Variants in BCR observed in about 807,000 individuals in gnomAD.
BCR encodes the protein BCR activator of RhoGEF and GTPase.
In BCR, 58 loss-of-function variants were observed where a neutral mutation model predicts 138.6. The ratio of observed to expected loss-of-function variants is 0.42; its 90% CI spans 0.34 to 0.52. BCR has a LOEUF of 0.52. Ranked by LOEUF, BCR falls within the 20% of genes least tolerant of loss-of-function variation. The probability of loss-of-function intolerance (pLI) is 0.06; values close to 1 mark genes in which losing one functional copy is unlikely to be tolerated. For missense variants in BCR, 1,599 were observed against 1,727.2 expected (o/e 0.93, Z 1.32); for synonymous variants, 786 against 730.1 (o/e 1.08, Z -1.23).
chr22:23,298,423 A>C (rs989907567), intron 16 of BCR, among the ~76,000 whole-genome samples: 12 of 152,146 alleles, frequency 7.9e-5, no homozygotes, highest in Admixed American at 7.9e-4. Flanking sequence ...GGACCAGATG[A>C]GTTCCGTCAA....
At chr22:23,290,722 G>A (rs1281434525) in intron 14 of BCR, 1 of 378,112 alleles carries the variant, frequency 2.6e-6, no homozygotes. Flanking sequence ...CCCCAGGGGT[G>A]CCCGGGAGTG....
intron 4 of BCR, chr22:23,264,810 C>T (rs796066680): frequency 6.5e-6 from 1 of 153,238 alleles, no homozygotes; most frequent in African/African-American, 2.4e-5. Flanking sequence ...GCTTGACCAA[C>T]CTCTCGGGGC....
intron 1 of BCR, among the ~76,000 whole-genome samples, chr22:23,240,885 A>G (rs1443140491): frequency 2.0e-5 from 3 of 151,922 alleles, no homozygotes; most frequent in Non-Finnish European, 2.9e-5. Flanking sequence ...TTCTGTCTCT[A>G]TGAATTTGAC....
In BCR at chr22:23,182,071, T is replaced by G. The variant is rs373071713; in HGVS notation, c.1111T>G (p.Ser371Ala). ...GTTCCGGGACAAAAGCCGCTCTCCCTCGCAGAACTCGCAACAGTCCTTCGA... is the reference window on the plus strand; with the variant it reads ...GTTCCGGGACAAAAGCCGCTCTCCCGCGCAGAACTCGCAACAGTCCTTCGA... ...RMFRDKSRSP[S>A]QNSQQSFDSS... The change falls in exon 1 of 23, where the codon TCG becomes GCG. Residue 371 changes from serine (S) to alanine (A), a missense_variant. Physicochemically the swap from Ser to Ala is moderately conservative, Grantham distance 99. Coordinates refer to ENST00000305877, the MANE Select transcript of BCR (RefSeq NM_004327.4). 6.2e-7 allele frequency: 1 copy of G among 1,613,468 alleles called. No homozygotes were observed. The highest frequency in any genetic ancestry group is 8.5e-7 in the Non-Finnish European group (1 of 1,180,026).
At chr22:23,203,981 A>G (rs939384308) in intron 1 of BCR, among the ~76,000 whole-genome samples, 2 of 152,182 alleles carry the variant, frequency 1.3e-5, no homozygotes, top group African/African-American at 4.8e-5. Flanking sequence ...CGGGAGGACA[A>G]ACACCTCCCT....
In BCR at chr22:23,181,710, G is replaced by C. The variant is rs955945495; in HGVS notation, c.750G>C (p.Glu250Asp). The C allele has an allele frequency of 5.0e-6, 8 of 1,604,106 alleles. No homozygotes were observed. In the African/African-American group the frequency reaches 1.1e-4, roughly 21 times the overall value. Residue 250 changes from glutamate to aspartate, a missense_variant, in exon 1 of 23, where the codon GAG becomes GAC. By Grantham distance (45) the Glu-to-Asp change is conservative. Coordinates refer to ENST00000305877, the MANE Select transcript of BCR (RefSeq NM_004327.4). ...CGVDGDYEDA[E>D]LNPRFLKDNL... ...TCGACGGCGACTACGAGGACGCCGA[G>C]TTGAACCCCCGCTTCCTGAAGGACA...
At chr22:23,282,802 C>T (rs1005900460) in intron 8 of BCR, among the ~76,000 whole-genome samples, 3 of 152,208 alleles carry the variant, frequency 2.0e-5, no homozygotes, top group East Asian at 1.9e-4. Context: ...CAGTGCAGGG[C>T]GGGCGTCGTC....
intron 1 of BCR, among the ~76,000 whole-genome samples, chr22:23,243,953 T>C (rs2073127257): frequency 6.6e-6 from 1 of 152,148 alleles, no homozygotes; most frequent in Non-Finnish European, 1.5e-5. Context: ...TAGCAAATTA[T>C]TGAACCTGAG....
At chr22:23,210,074 G>A (rs2072663791) in intron 1 of BCR, among the ~76,000 whole-genome samples, 2 of 152,098 alleles carry the variant, frequency 1.3e-5, no homozygotes, top group African/African-American at 4.8e-5. Flanking sequence ...GAAATTATGG[G>A]TTGAAGGTAA....
rs1206029444 is a variant in BCR, at chr22:23,287,275, CA to C, written c.2525del (p.Lys842ArgfsTer6). Reference protein sequence around the residue: ...MAFRVHSRNGKSYTFLISSDY... With the variant: ...MAFRVHSRNGXSYTFLISSDY... ...CCTTCAGGGTGCACAGCCGCAACGG[CA>C]AGGTGAGCGCCTGCTGTTCCGGCCC... On this transcript the variant is annotated frameshift_variant and splice_region_variant, in exon 11 of 23. Transcript: ENST00000305877. LOFTEE classifies it high-confidence loss of function. 1 of 1,544,340 alleles carries C rather than the reference CA, an allele frequency of 6.5e-7. No homozygotes were observed.
At position 23,268,441 on chromosome 22, in the gene BCR, G is replaced by A. The variant is rs1464947546; in HGVS notation, c.1786G>A (p.Asp596Asn). Residue 596 changes from aspartate to asparagine, a missense_variant, in exon 5 of 23, where the codon GAC (aspartate) becomes AAC (asparagine). Asp to Asn is a conservative substitution (Grantham distance 23). Around this residue, in one of 4 missense-constraint regions of BCR, gnomAD observed 590 missense variants for 762.4 expected, o/e 0.77. Coordinates refer to ENST00000305877, the MANE Select transcript of BCR (RefSeq NM_004327.4). ...GCTGGGTGTGTACCGGGCCTTCGTG[G>A]ACAACTACGGAGTTGCCATGGAAAT... ...SQLGVYRAFVDNYGVAMEMAE... is the reference protein window; with the variant it reads ...SQLGVYRAFVNNYGVAMEMAE... The A allele has an allele frequency of 6.2e-7, 1 of 1,613,710 alleles. No homozygotes were observed. Among genetic ancestry groups the A allele is most frequent in the Admixed American group, 1.7e-5 (1 of 59,948 alleles).
At chr22:23,226,620 T>C (rs571095404) in intron 1 of BCR, among the ~76,000 whole-genome samples, 5 of 152,338 alleles carry the variant, frequency 3.3e-5, no homozygotes, top group Admixed American at 6.5e-5. Flanking sequence ...GCTGCCTGTT[T>C]TTGTAAATAA....
intron 8 of BCR, among the ~76,000 whole-genome samples, chr22:23,277,274 C>T (rs9612276): frequency 0.23 from 35,190 of 152,118 alleles, 4,438 homozygotes; most frequent in Middle Eastern, 0.3. Flanking sequence ...GAGGAAACTG[C>T]GACTCAGAGA....
chr22:23,200,137 G>A (rs568490310), intron 1 of BCR, among the ~76,000 whole-genome samples: 35 of 151,874 alleles, frequency 2.3e-4, no homozygotes, highest in African/African-American at 7.7e-4. Flanking sequence ...TGATACTGAC[G>A]AGACCTTGGA....
intron 16 of BCR, among the ~76,000 whole-genome samples, chr22:23,308,813 C>A (rs2073976276): frequency 6.6e-6 from 1 of 152,140 alleles, no homozygotes; most frequent in Non-Finnish European, 1.5e-5. Context: ...CAAGCTCCTG[C>A]AGGCTAGCTG....
At chr22:23,199,882 A>G (rs2072530612) in intron 1 of BCR, among the ~76,000 whole-genome samples, 2 of 152,082 alleles carry the variant, frequency 1.3e-5, no homozygotes, top group South Asian at 4.1e-4. Flanking sequence ...TGAGGTCAAG[A>G]GACCATCCTG....
intron 8 of BCR, 57 bp downstream of exon 8, chr22:23,273,831 A>G: frequency 1.6e-5 from 26 of 1,604,618 alleles, no homozygotes; most frequent in Non-Finnish European, 2.1e-5. Flanking sequence ...GGGGGCATGC[A>G]GGGCCCCTCG....
intron 1 of BCR, among the ~76,000 whole-genome samples, chr22:23,244,343 G>A (rs557461702): frequency 9.2e-5 from 14 of 152,276 alleles, no homozygotes; most frequent in Admixed American, 3.3e-4. Flanking sequence ...GGTCGCATTC[G>A]CAGATTCTAG....
At position 23,311,850 on chromosome 22, in the gene BCR, TGC is replaced by T. The variant is rs1164625914; in HGVS notation, c.3322+17_3322+18del. 5 of 1,611,358 alleles carry T rather than the reference TGC, an allele frequency of 3.1e-6. No homozygotes were observed. In the African/African-American group the frequency reaches 6.7e-5, roughly 22 times the overall value. On this transcript the variant is annotated intron_variant, in intron 19 of 22. Coordinates refer to ENST00000305877, the MANE Select transcript of BCR (RefSeq NM_004327.4). ...CCTTCGACGTCAGTGAGTGTTGGCC[TGC>T]GCAGGACGGGATGGAGGTGTGGGCA...
Sources: gnomAD v4.1 joint callset for allele counts (sites outside exome capture counted in the v4.1 genomes callset) on GRCh38, gnomAD v4.1.1 for gene constraint, gnomAD v4.1.1 regional missense constraint, MANE v1.5 for transcripts, NCBI Gene and HGNC (gene_info 2026-07-23, HGNC 2026-07-21) for gene names.